The following ASF1B variants were observed in gnomAD, a reference collection of about 807,000 sequenced individuals.
The protein encoded by ASF1B is anti-silencing function 1B histone chaperone.
In ASF1B, 10 loss-of-function variants were observed where a neutral mutation model predicts 16.6. The ratio of observed to expected loss-of-function variants is 0.60; its 90% confidence interval spans 0.37 to 1.02. The LOEUF (loss-of-function observed/expected upper bound fraction) is 1.02. Among genes scored for constraint, ASF1B ranks in the 50% least tolerant of loss-of-function variants. The pLI is 0.01. For missense variants in ASF1B, 240 were observed against 266.0 expected, an observed-to-expected ratio of 0.90 and a Z score of 0.68; for synonymous variants, 101 against 106.2, an observed-to-expected ratio of 0.95 and a Z score of 0.30.
rs565115248 is a variant in ASF1B, at chr19:14,126,141, C to T, written c.206G>A (p.Arg69Lys). 6.2e-6 allele frequency: 10 copies of T among 1,602,522 alleles called. No homozygotes were observed. The East Asian group carries it at 2.0e-4, about 32-fold the overall frequency. The change falls in exon 2 of 4, where the codon AGA (arginine) becomes AAA (lysine). Residue 69 changes from arginine to lysine, a missense_variant. By Grantham distance (26) the Arg-to-Lys change is conservative. Coordinates refer to ENST00000263382, the MANE Select transcript of ASF1B (RefSeq NM_018154.3). Reference sequence around the variant, plus strand: ...TCTTACCTGAAAGACAAACATGTGTCTCCCTGCTGGCACAGGGCCCACCAG... The same window carrying T: ...TCTTACCTGAAAGACAAACATGTGTTTCCCTGCTGGCACAGGGCCCACCAG... ...SVLVGPVPAG[R>K]HMFVFQADAP...
intron 2 of ASF1B, among the ~76,000 whole-genome samples, chr19:14,122,222 C>T (rs1187009770): frequency 2.6e-5 from 4 of 151,668 alleles, no homozygotes; most frequent in African/African-American, 9.7e-5. Flanking sequence ...TGAGCCACTG[C>T]GCCCAGCCTT....
chr19:14,135,021 C>T (rs1237661593), intron 1 of ASF1B, among the ~76,000 whole-genome samples: 7 of 151,704 alleles, frequency 4.6e-5, no homozygotes, highest in Non-Finnish European at 8.8e-5. Context: ...GTCAGGAGTT[C>T]GAGACCAACC....
At chr19:14,135,549 G>T (rs568156391) in intron 1 of ASF1B, among the ~76,000 whole-genome samples, 286 of 152,308 alleles carry the variant, frequency 1.9e-3, no homozygotes, top group African/African-American at 6.4e-3. Context: ...GCAACTGGTG[G>T]GCGTGGGGTT....
At position 14,133,797 on chromosome 19, in the gene ASF1B, ATT is replaced by A. The variant is rs34122923; in HGVS notation, c.109+2549_109+2550del. Among the ~76,000 whole-genome samples the A allele has an allele frequency of 1.7e-4, 17 of 98,892 alleles. No individual in the cohort carries two copies. The East Asian group carries it at 2.1e-3, about 12-fold the overall frequency. 64.9% of individuals were successfully genotyped at this position (98,892 alleles called of 152,430 possible). ...AGTACCAGATAATGACCGCACAACC[ATT>A]TTTTTTTTTTTTTTTTTTTTTTGAG... On this transcript the variant is annotated intron_variant, in intron 1 of 3. Coordinates refer to ENST00000263382, the MANE Select transcript of ASF1B (RefSeq NM_018154.3).
intron 1 of ASF1B, among the ~76,000 whole-genome samples, chr19:14,129,779 G>C (rs1967373347): frequency 1.3e-5 from 2 of 149,566 alleles, no homozygotes; most frequent in Non-Finnish European, 3.0e-5. Context: ...TGGATCATTG[G>C]ATCATGGCTG....
At chr19:14,131,013 G>T (rs1451794027) in intron 1 of ASF1B, among the ~76,000 whole-genome samples, 3 of 151,780 alleles carry the variant, frequency 2.0e-5, no homozygotes. Context: ...AAATAGCTGG[G>T]ACTACAGGCA....
intron 1 of ASF1B, 137 bp from the exon 2 acceptor site, chr19:14,126,374 A>G: frequency 1.6e-6 from 1 of 613,306 alleles, no homozygotes; most frequent in Non-Finnish European, 2.8e-6. Flanking sequence ...ATGCGATCTC[A>G]GCTCACTGCA....
intron 1 of ASF1B, among the ~76,000 whole-genome samples, chr19:14,133,797 ATTTTTTTTTTT>A (rs34122923): frequency 5.8e-4 from 57 of 98,894 alleles, no homozygotes; most frequent in African/African-American, 2.0e-3. Context: ...CCGCACAACC[ATTTTTTTTTTT>A]TTTTTTTTTT....
At chr19:14,126,638 ATT>A (rs949650537) in intron 1 of ASF1B, among the ~76,000 whole-genome samples, 1 of 152,038 alleles carries the variant, frequency 6.6e-6, no homozygotes, top group African/African-American at 2.4e-5. Flanking sequence ...TGGCTGGCTA[ATT>A]TTTTTATTTT....
rs562647501 is a variant in ASF1B at position 14,130,648 on chromosome 19, G to T, written c.110-4411C>A. ...CAGGAACTCATAGCTATGAGTACAG[G>T]ACACAGCTGTACACATGACGTGTGT... On this transcript the variant is annotated intron_variant, in intron 1 of 3. Transcript: ENST00000263382. 5.3e-5 allele frequency among the ~76,000 whole-genome samples: 8 copies of T among 151,990 alleles called. No individual in the cohort carries two copies. In the East Asian group the frequency reaches 1.5e-3, roughly 29 times the overall value.
chr19:14,136,544 G>A lies in ASF1B; in HGVS notation c.-88C>T, dbSNP rs997062604. ...GGTCCGGTGGGGTCAGTGGGGTAGG[G>A]CTGACCAGGTCCACTCCCGCCTCTT... On this transcript the variant is annotated 5_prime_UTR_variant, in exon 1 of 4. Coordinates refer to ENST00000263382, the MANE Select transcript of ASF1B (RefSeq NM_018154.3). 4.2e-5 allele frequency: 46 copies of A among 1,098,016 alleles called. No individual in the cohort carries two copies. Among genetic ancestry groups the A allele is most frequent in the African/African-American group, 3.4e-4 (22 of 64,262 alleles). The allele number at this position is 1,098,016 out of a possible 1,614,324, so 68.0% of individuals were successfully genotyped here.
At chr19:14,133,960 C>G (rs1366336854) in intron 1 of ASF1B, among the ~76,000 whole-genome samples, 2 of 151,942 alleles carry the variant, frequency 1.3e-5, no homozygotes, top group Non-Finnish European at 2.9e-5. Flanking sequence ...CCCGCCACCA[C>G]GCCCGGCTAA....
chr19:14,127,646 C>CT (rs71170596), intron 1 of ASF1B, among the ~76,000 whole-genome samples: 28,486 of 148,570 alleles, frequency 0.19, 3,328 homozygotes, highest in African/African-American at 0.34. Context: ...CCTCCAAACA[C>CT]TTTTTTTTTT....
intron 1 of ASF1B, 31 bp downstream of exon 1, chr19:14,136,317 G>T (rs181011145): frequency 5.0e-6 from 8 of 1,593,694 alleles, no homozygotes; most frequent in Non-Finnish European, 6.0e-6. Flanking sequence ...TCGGCCCGGG[G>T]GTGGGGGTCC....
intron 1 of ASF1B, among the ~76,000 whole-genome samples, chr19:14,135,507 C>T (rs1967476476): frequency 6.6e-6 from 1 of 152,100 alleles, no homozygotes; most frequent in Non-Finnish European, 1.5e-5. Context: ...AACCAGGTTC[C>T]AGGGTATGTG....
chr19:14,130,091 C>T (rs1967379087), intron 1 of ASF1B, among the ~76,000 whole-genome samples: 1 of 151,668 alleles, frequency 6.6e-6, no homozygotes, highest in African/African-American at 2.4e-5. Context: ...TGGAGTCTCA[C>T]TCTGTTGCCC....
rs150241604 is a variant in ASF1B, at chr19:14,119,944, T to A, written c.*515A>T. On this transcript the variant is annotated 3_prime_UTR_variant, in exon 4 of 4. Transcript: ENST00000263382. ...TGCTGGATTGAAGAGGACCTAAGAATCTTCCTGGGAGCAGGACAGAAATGG... is the reference window on the plus strand; with the variant it reads ...TGCTGGATTGAAGAGGACCTAAGAAACTTCCTGGGAGCAGGACAGAAATGG... The A allele has an allele frequency of 6.5e-6, 1 of 153,306 alleles. No individual in the cohort carries two copies. Among genetic ancestry groups the A allele is most frequent in the African/African-American group, 2.4e-5 (1 of 41,586 alleles). 9.5% of individuals were successfully genotyped at this position (153,306 alleles called of 1,614,324 possible).
intron 1 of ASF1B, among the ~76,000 whole-genome samples, chr19:14,135,069 C>G (rs1327494410): frequency 6.6e-6 from 1 of 151,768 alleles, no homozygotes; most frequent in Non-Finnish European, 1.5e-5. Flanking sequence ...ACTAAAAATA[C>G]TAAAATTAGC....
At chr19:14,135,107 C>T (rs895081605) in intron 1 of ASF1B, among the ~76,000 whole-genome samples, 3 of 151,562 alleles carry the variant, frequency 2.0e-5, no homozygotes, top group Non-Finnish European at 2.9e-5. Flanking sequence ...GCCTGTAGTC[C>T]CAGCTACTCG....
Sources: gnomAD v4.1 joint callset for allele counts (sites outside exome capture counted in the v4.1 genomes callset) on GRCh38, gnomAD v4.1.1 for gene constraint, MANE v1.5 for transcripts, NCBI Gene and HGNC (gene_info 2026-07-23, HGNC 2026-07-21) for gene names.